The following KCNT2 variants were observed in gnomAD, a reference collection of about 807,000 sequenced individuals.
KCNT2 encodes the protein potassium sodium-activated channel subfamily T member 2, also known as potassium channel subfamily T member 2.
KCNT2 carries 67 observed loss-of-function variants against 153.8 expected under a neutral mutation model. The ratio of observed to expected loss-of-function variants is 0.44; its 90% CI spans 0.36 to 0.53. The LOEUF (loss-of-function observed/expected upper bound fraction) is 0.53, where lower values mean the gene tolerates loss of function less well. KCNT2 is among the 20% of genes least tolerant of loss of function. The pLI is 0.00. For missense variants in KCNT2, 975 were observed against 1,354.8 expected, an observed-to-expected ratio of 0.72 and a Z score of 4.40; for synonymous variants, 500 against 458.8, an observed-to-expected ratio of 1.09 and a Z score of -1.15.
chr1:196,439,589 A>G (rs1324779488), intron 8 of KCNT2, among the ~76,000 whole-genome samples: 2 of 152,032 alleles, frequency 1.3e-5, no homozygotes, highest in Non-Finnish European at 2.9e-5. Context: ...GTTAATAATG[A>G]CATAAAGTAA....
At chr1:196,324,364 C>T (rs1281379313) in intron 19 of KCNT2, among the ~76,000 whole-genome samples, 1 of 151,860 alleles carries the variant, frequency 6.6e-6, no homozygotes, top group African/African-American at 2.4e-5. Context: ...ACAGAAATTT[C>T]ATAGAAAGGT....
intron 1 of KCNT2, among the ~76,000 whole-genome samples, chr1:196,569,201 C>A (rs1210261462): frequency 2.0e-5 from 3 of 151,820 alleles, no homozygotes; most frequent in African/African-American, 2.4e-5. Flanking sequence ...TAATTTATTT[C>A]TTTCAAGTTA....
chr1:196,353,560 A>G (rs1040592067), intron 14 of KCNT2, among the ~76,000 whole-genome samples: 2 of 151,994 alleles, frequency 1.3e-5, no homozygotes, highest in East Asian at 3.9e-4. Context: ...AGGTAAAGAT[A>G]TTATCTGTTC....
chr1:196,282,416 T>C, intron 23 of KCNT2, 60 bp from the exon 24 acceptor site: 1 of 802,414 alleles, frequency 1.2e-6, no homozygotes. Flanking sequence ...GTGTATGAGA[T>C]GTGTAGAACA....
intron 1 of KCNT2, among the ~76,000 whole-genome samples, chr1:196,524,611 C>T (rs553962881): frequency 7.9e-5 from 12 of 151,998 alleles, no homozygotes; most frequent in South Asian, 2.1e-4. Flanking sequence ...TTACATAATA[C>T]GATGTAAAAC....
chr1:196,545,509 C>G (rs1045338554), intron 1 of KCNT2, among the ~76,000 whole-genome samples: 3 of 151,956 alleles, frequency 2.0e-5, no homozygotes, highest in Non-Finnish European at 4.4e-5. Context: ...GCAAGCAAGT[C>G]CCCAAACAGT....
intron 13 of KCNT2, among the ~76,000 whole-genome samples, chr1:196,381,239 C>T (rs1260541293): frequency 2.0e-5 from 3 of 152,034 alleles, no homozygotes; most frequent in East Asian, 3.9e-4. Flanking sequence ...TTCCTCTACC[C>T]TAGTGCAGAA....
At chr1:196,470,756 A>G (rs553073164) in intron 5 of KCNT2, among the ~76,000 whole-genome samples, 2 of 152,322 alleles carry the variant, frequency 1.3e-5, no homozygotes, top group Admixed American at 1.3e-4. Context: ...AAGTAGAAAC[A>G]TCAGATAGGC....
intron 14 of KCNT2, among the ~76,000 whole-genome samples, chr1:196,360,039 G>A (rs1472555967): frequency 1.3e-5 from 2 of 152,060 alleles, no homozygotes; most frequent in Non-Finnish European, 2.9e-5. Flanking sequence ...CTCAAAATAT[G>A]TTTAATAGAA....
At chr1:196,448,442 T>A (rs1374910371) in intron 8 of KCNT2, among the ~76,000 whole-genome samples, 1 of 151,632 alleles carries the variant, frequency 6.6e-6, no homozygotes. Context: ...GGGAAAATAT[T>A]AATTTCATTG....
intron 26 of KCNT2, among the ~76,000 whole-genome samples, chr1:196,245,695 A>C (rs1482811930): frequency 6.6e-6 from 1 of 152,244 alleles, no homozygotes; most frequent in Non-Finnish European, 1.5e-5. Flanking sequence ...AACAAGCAAA[A>C]ATTCTAGAGT....
At chr1:196,468,850 T>C in intron 6 of KCNT2, 144 bp downstream of exon 6, 1 of 593,228 alleles carries the variant, frequency 1.7e-6, no homozygotes, top group South Asian at 2.3e-5. Context: ...CAACCAATTT[T>C]ATCTTGTTGC....
At chr1:196,336,857 T>C (rs565034007) in intron 16 of KCNT2, among the ~76,000 whole-genome samples, 19 of 152,290 alleles carry the variant, frequency 1.2e-4, no homozygotes, top group African/African-American at 4.3e-4. Context: ...ACCTCACTCA[T>C]TGGGTTTTCC....
rs757479615 is a variant in KCNT2, at chr1:196,429,639, A to G, written c.757T>C (p.Trp253Arg). 32 of 1,613,008 alleles carry G rather than the reference A, an allele frequency of 2.0e-5. No homozygotes were observed. Among genetic ancestry groups the G allele is most frequent in the Non-Finnish European group, 2.2e-5 (26 of 1,179,442 alleles). ...VGFGDVTPET[W>R]SSKLFVVAMI... Reference sequence around the variant, plus strand: ...GCAACTACAAAAAGCTTGGAGGACCATGTTTCAGGAGTGACATCCCCGAAG... The same window carrying G: ...GCAACTACAAAAAGCTTGGAGGACCGTGTTTCAGGAGTGACATCCCCGAAG... Residue 253 changes from tryptophan to arginine, a missense_variant, in exon 9 of 28, where the codon TGG becomes CGG. Transcript: ENST00000294725.
At chr1:196,293,881 AC>A (rs1429764698) in intron 22 of KCNT2, among the ~76,000 whole-genome samples, 53 of 137,498 alleles carry the variant, frequency 3.9e-4, no homozygotes, top group Admixed American at 1.5e-3. Context: ...AAACAAAAAA[AC>A]AAAAAACAAA....
At chr1:196,350,635 T>G (rs1200617673) in intron 14 of KCNT2, among the ~76,000 whole-genome samples, 1 of 152,176 alleles carries the variant, frequency 6.6e-6, no homozygotes, top group Non-Finnish European at 1.5e-5. Flanking sequence ...TGCGAAAATT[T>G]TCTCCCATTT....
intron 1 of KCNT2, among the ~76,000 whole-genome samples, chr1:196,569,369 T>A (rs1334681480): frequency 6.6e-6 from 1 of 152,186 alleles, no homozygotes; most frequent in East Asian, 1.9e-4. Flanking sequence ...CAGTGTCTGT[T>A]CCTATTTTTA....
chr1:196,283,245 G>A (rs1247793395), intron 23 of KCNT2, among the ~76,000 whole-genome samples: 3 of 152,122 alleles, frequency 2.0e-5, no homozygotes, highest in African/African-American at 7.2e-5. Context: ...ATCGAGACCA[G>A]CATGGCTAAC....
At chr1:196,381,185 T>G (rs1397536991) in intron 13 of KCNT2, among the ~76,000 whole-genome samples, 2 of 152,182 alleles carry the variant, frequency 1.3e-5, no homozygotes, top group Non-Finnish European at 2.9e-5. Flanking sequence ...ATATAATCTT[T>G]TTTGATGTTT....
Sources: gnomAD v4.1 joint callset for allele counts (sites outside exome capture counted in the v4.1 genomes callset) on GRCh38, gnomAD v4.1.1 for gene constraint, MANE v1.5 for transcripts, NCBI Gene and HGNC (gene_info 2026-07-23, HGNC 2026-07-21) for gene names.